SNTG1: variants seen among roughly 807,000 people sequenced by gnomAD.
SNTG1 encodes gamma-1-syntrophin.
A neutral mutation model predicts 74.7 loss-of-function variants in SNTG1; 39 were observed. The ratio of observed to expected loss-of-function variants is 0.52; its 90% confidence interval spans 0.40 to 0.68. The LOEUF (loss-of-function observed/expected upper bound fraction) is 0.68, where lower values mean the gene tolerates loss of function less well. SNTG1 is among the 30% of genes least tolerant of loss of function. The pLI, the probability that SNTG1 is intolerant of heterozygous loss-of-function variation, is 0.00. For synonymous variants in SNTG1, 254 were observed against 217.1 expected, an observed-to-expected ratio of 1.17 and a Z score of -1.49; for missense variants, 685 against 609.5, an observed-to-expected ratio of 1.12 and a Z score of -1.30.
intron 2 of SNTG1, among the ~76,000 whole-genome samples, chr8:50,250,392 A>T (rs1295179622): frequency 6.6e-6 from 1 of 152,156 alleles, no homozygotes. Flanking sequence ...ATAACCAAGT[A>T]TAGTAAACAT....
At chr8:50,729,651 A>AT (rs1332329784) in intron 17 of SNTG1, among the ~76,000 whole-genome samples, 8 of 152,270 alleles carry the variant, frequency 5.3e-5, no homozygotes, top group African/African-American at 1.9e-4. Flanking sequence ...TTTGAATTTC[A>AT]TAGAGTAGTA....
chr8:49,983,710 A>C (rs1812887042), intron 1 of SNTG1, among the ~76,000 whole-genome samples: 1 of 152,206 alleles, frequency 6.6e-6, no homozygotes, highest in Non-Finnish European at 1.5e-5. Context: ...GAGGGCTGGG[A>C]TGGTGCTGTC....
rs74856500 is a variant in SNTG1, at chr8:50,539,965, C to T, written c.680+3157C>T. On this transcript the variant is annotated intron_variant, in intron 11 of 18. Transcript: ENST00000642720. Reference sequence around the variant, plus strand: ...TTTAAAAGTCTTGCTGTTAGCCATTCAGATTGGAGGTTTCAGAGGGTCGTG... The same window carrying T: ...TTTAAAAGTCTTGCTGTTAGCCATTTAGATTGGAGGTTTCAGAGGGTCGTG... Among the ~76,000 whole-genome samples the T allele has an allele frequency of 2.7e-4, 41 of 152,256 alleles. No homozygotes were observed. In the East Asian group the frequency reaches 7.9e-3, roughly 29 times the overall value.
chr8:50,382,937 G>A (rs1262287349), intron 2 of SNTG1, among the ~76,000 whole-genome samples: 1 of 152,150 alleles, frequency 6.6e-6, no homozygotes, highest in Non-Finnish European at 1.5e-5. Context: ...TTCTTTATCA[G>A]AGAAACCTCA....
At chr8:50,461,344 T>A (rs905216701) in intron 8 of SNTG1, among the ~76,000 whole-genome samples, 1 of 151,992 alleles carries the variant, frequency 6.6e-6, no homozygotes, top group East Asian at 1.9e-4. Flanking sequence ...TGAGATAGAG[T>A]TTTTCAGAAT....
chr8:50,160,112 A>T (rs1463719961), intron 1 of SNTG1, among the ~76,000 whole-genome samples: 1 of 152,220 alleles, frequency 6.6e-6, no homozygotes, highest in African/African-American at 2.4e-5. Flanking sequence ...TAAAAGGAGG[A>T]CATGCTCTTG....
intron 2 of SNTG1, among the ~76,000 whole-genome samples, chr8:50,304,031 T>G (rs76819494): frequency 0.02 from 3,110 of 152,250 alleles, 112 homozygotes; most frequent in African/African-American, 0.069. Flanking sequence ...ATTGTTTCAA[T>G]GTCCACTCCA....
At chr8:50,202,062 TC>T (rs2084007659) in intron 2 of SNTG1, among the ~76,000 whole-genome samples, 1 of 152,136 alleles carries the variant, frequency 6.6e-6, no homozygotes, top group Non-Finnish European at 1.5e-5. Context: ...TTATAGACAA[TC>T]CTTCTTTCCA....
intron 15 of SNTG1, among the ~76,000 whole-genome samples, chr8:50,681,027 TA>T (rs542059548): frequency 2.0e-5 from 3 of 151,854 alleles, no homozygotes; most frequent in African/African-American, 7.3e-5. Context: ...TGCTTTCAAG[TA>T]AAAAAAAGTC....
Position 50,017,381 on chromosome 8 carries a change from T to A in SNTG1, c.-103+105150T>A, listed in dbSNP as rs183224310. Among the ~76,000 whole-genome samples the A allele has an allele frequency of 3.0e-3, 451 of 152,040 alleles. 2 individuals are homozygous for A. Among genetic ancestry groups the A allele is most frequent in the Admixed American group, 5.4e-3 (83 of 15,256 alleles). The stretch of plus-strand genomic sequence containing the variant: ...AAGAAATTTTTAAAAATAAGGCACA[T>A]AGAAAACAAATAGCAAATAACAGAT... On this transcript the variant is annotated intron_variant, in intron 1 of 18. Coordinates refer to ENST00000642720, the MANE Select transcript of SNTG1 (RefSeq NM_018967.5).
At chr8:50,152,762 G>T (rs2131548134) in intron 1 of SNTG1, among the ~76,000 whole-genome samples, 1 of 152,260 alleles carries the variant, frequency 6.6e-6, no homozygotes, top group South Asian at 2.1e-4. Context: ...TGTAGTTTCT[G>T]CCGAGAGATC....
intron 13 of SNTG1, among the ~76,000 whole-genome samples, chr8:50,612,448 A>G (rs2094857376): frequency 6.6e-6 from 1 of 152,322 alleles, no homozygotes; most frequent in East Asian, 1.9e-4. Context: ...ATTACATTTC[A>G]AGTAAAAGGA....
intron 13 of SNTG1, among the ~76,000 whole-genome samples, chr8:50,655,849 A>G (rs552975177): frequency 6.6e-6 from 1 of 152,314 alleles, no homozygotes; most frequent in East Asian, 1.9e-4. Context: ...TCTTTCTGAA[A>G]GTAAACTGAT....
At chr8:50,763,648 T>TGG (rs2095605296) in intron 18 of SNTG1, among the ~76,000 whole-genome samples, 1 of 117,096 alleles carries the variant, frequency 8.5e-6, no homozygotes, top group Non-Finnish European at 1.7e-5. Flanking sequence ...ATTGCCTTTA[T>TGG]TGTGTGTGTG....
intron 1 of SNTG1, among the ~76,000 whole-genome samples, chr8:49,957,277 A>G (rs1246062479): frequency 6.6e-6 from 1 of 152,248 alleles, no homozygotes; most frequent in Non-Finnish European, 1.5e-5. Context: ...GGGAAGAGCA[A>G]CATCAGCAAA....
At chr8:50,467,285 C>T (rs2093616030) in intron 8 of SNTG1, among the ~76,000 whole-genome samples, 1 of 151,840 alleles carries the variant, frequency 6.6e-6, no homozygotes, top group Non-Finnish European at 1.5e-5. Flanking sequence ...ACTAACGAAA[C>T]TCTAGATTTC....
intron 2 of SNTG1, among the ~76,000 whole-genome samples, chr8:50,305,701 T>TA (rs934147290): frequency 2.0e-5 from 3 of 152,054 alleles, no homozygotes; most frequent in African/African-American, 4.8e-5. Flanking sequence ...TTAGTTTATC[T>TA]AAAAAATTGA....
chr8:50,703,780 G>A (rs1025913193), intron 15 of SNTG1, among the ~76,000 whole-genome samples: 2 of 151,990 alleles, frequency 1.3e-5, no homozygotes, highest in Non-Finnish European at 1.5e-5. Context: ...ACATTACAAC[G>A]GCTATGACAT....
At chr8:50,316,517 A>G (rs2090324265) in intron 2 of SNTG1, among the ~76,000 whole-genome samples, 2 of 152,166 alleles carry the variant, frequency 1.3e-5, no homozygotes, top group African/African-American at 2.4e-5. Flanking sequence ...TGGTCACTCT[A>G]TTATATAGCA....
Sources: allele counts gnomAD v4.1 joint callset (sites outside exome capture counted in the v4.1 genomes callset), GRCh38; gene constraint gnomAD v4.1.1; transcripts MANE v1.5; gene names NCBI Gene and HGNC (gene_info 2026-07-23, HGNC 2026-07-21).